KCNQ1: variants seen among roughly 807,000 people sequenced by gnomAD.
KCNQ1 encodes potassium voltage-gated channel subfamily Q member 1.
In KCNQ1, 49 loss-of-function variants were observed where a neutral mutation model predicts 72.4. The observed-to-expected ratio is 0.68, with a 90% CI of 0.54 to 0.86. The LOEUF is 0.86. Ranked by LOEUF, KCNQ1 falls within the 40% of genes least tolerant of loss-of-function variation. The pLI is 0.00. For synonymous variants in KCNQ1, 450 were observed against 412.6 expected (o/e 1.09, Z -1.10); for missense variants, 790 against 945.1 (o/e 0.84, Z 2.15).
chr11:2,456,735 C>T (rs1846195656), intron 1 of KCNQ1, among the ~76,000 whole-genome samples: 2 of 123,928 alleles, frequency 1.6e-5, no homozygotes, highest in South Asian at 2.6e-4. Context: ...TCCTGGCTAA[C>T]ATGGTGAAAC....
chr11:2,524,202 A>G (rs961931654), intron 1 of KCNQ1, among the ~76,000 whole-genome samples: 7 of 152,160 alleles, frequency 4.6e-5, no homozygotes, highest in Non-Finnish European at 1.0e-4. Flanking sequence ...GCGACGGGAA[A>G]GCTGCTGTGC....
At chr11:2,487,770 T>G (rs1170367138) in intron 1 of KCNQ1, among the ~76,000 whole-genome samples, 1 of 152,214 alleles carries the variant, frequency 6.6e-6, no homozygotes, top group Admixed American at 6.5e-5. Context: ...TTGTGGAATC[T>G]TTAGGGGTTT....
At chr11:2,570,481 T>A in intron 2 of KCNQ1, 147 bp from the exon 3 acceptor site, 2 of 1,032,866 alleles carry the variant, frequency 1.9e-6, no homozygotes, top group Middle Eastern at 2.9e-4. Context: ...GGCATCACCA[T>A]CCGCAGCAGG....
chr11:2,614,927 T>G lies in KCNQ1; in HGVS notation c.1393+26073T>G, dbSNP rs1178213934. The G allele has an allele frequency of 6.0e-5, 24 of 398,342 alleles. 1 individual carries two copies. The highest frequency in any genetic ancestry group is 8.0e-5 in the Non-Finnish European group (18 of 225,970). The allele number at this position is 398,342 out of a possible 1,614,324, so 24.7% of individuals were successfully genotyped here. A position where few individuals can be genotyped will look rare whatever the true frequency, so the allele number is the denominator to read the frequency against. ...AAATCAGTTTTTACATTTCTGCAAA[T>G]AAAAAGGCCCTTGGGATTTTGATAA... On this transcript the variant is annotated intron_variant, in intron 10 of 15. Coordinates refer to ENST00000155840, the MANE Select transcript of KCNQ1 (RefSeq NM_000218.3).
intron 10 of KCNQ1, chr11:2,609,933 T>C (rs1848951132): frequency 2.5e-6 from 1 of 398,074 alleles, no homozygotes; most frequent in East Asian, 3.6e-5. Flanking sequence ...ATAGATGGAA[T>C]ACAGATGGAT....
intron 15 of KCNQ1, among the ~76,000 whole-genome samples, chr11:2,842,252 C>G (rs1177541514): frequency 6.6e-6 from 1 of 152,238 alleles, no homozygotes; most frequent in East Asian, 1.9e-4. Context: ...GACTCACACA[C>G]AGCCTGGACA....
Position 2,567,743 on chromosome 11 carries a change from T to G in KCNQ1, c.478-2885T>G, listed in dbSNP as rs1470499306. On this transcript the variant is annotated intron_variant, in intron 2 of 15. Transcript: ENST00000155840. The surrounding 1 kb of genome is among the most constrained non-coding windows in gnomAD (Gnocchi z 6.6). ...CTGGATTTGGGGATCAGTGTTGTTT[T>G]TAATCATTCCTACCACCTTGTCCCA... Among the ~76,000 whole-genome samples the G allele has an allele frequency of 6.6e-6, 1 of 152,200 alleles. No homozygotes were observed. The highest frequency in any genetic ancestry group is 1.5e-5 in the Non-Finnish European group (1 of 68,024).
chr11:2,758,366 C>G (rs145933251), intron 11 of KCNQ1, among the ~76,000 whole-genome samples: 394 of 152,296 alleles, frequency 2.6e-3, no homozygotes, highest in Admixed American at 4.4e-3. Context: ...TCACTACGCA[C>G]CTATCAGAAT....
intron 11 of KCNQ1, chr11:2,667,805 AC>A: frequency 2.5e-6 from 1 of 398,688 alleles, no homozygotes; most frequent in Non-Finnish European, 4.4e-6. Context: ...CACCTGGGCT[AC>A]CCTGGTATAG....
At chr11:2,630,337 T>G (rs1343766377) in intron 10 of KCNQ1, 1 of 398,286 alleles carries the variant, frequency 2.5e-6, no homozygotes, top group Admixed American at 4.4e-5. Flanking sequence ...AATTTTTAAA[T>G]GTATAGTCAT....
chr11:2,755,188 TC>T (rs1398461679), intron 11 of KCNQ1, among the ~76,000 whole-genome samples: 1 of 151,776 alleles, frequency 6.6e-6, no homozygotes, highest in Non-Finnish European at 1.5e-5. Context: ...ACATTTTTTT[TC>T]GTAATCACAG....
chr11:2,824,101 G>A lies in KCNQ1; in HGVS notation c.1795-23666G>A, dbSNP rs1009296051. Reference sequence around the variant, plus strand: ...CAGCACAAACACCTTGACACACACCGTCACACACACCCATATTCGACACAC... The same window carrying A: ...CAGCACAAACACCTTGACACACACCATCACACACACCCATATTCGACACAC... On this transcript the variant is annotated intron_variant, in intron 15 of 15. Coordinates refer to ENST00000155840, the MANE Select transcript of KCNQ1 (RefSeq NM_000218.3). The surrounding 1 kb of genome is among the most constrained non-coding windows in gnomAD (Gnocchi z 5.9). 5.9e-5 allele frequency among the ~76,000 whole-genome samples: 9 copies of A among 152,102 alleles called. No individual in the cohort carries two copies. The South Asian group carries it at 6.2e-4, about 11-fold the overall frequency.
Position 2,753,713 on chromosome 11 carries a change from G to C in KCNQ1, c.1515-15131G>C, listed in dbSNP as rs138604878. On this transcript the variant is annotated intron_variant, in intron 11 of 15. Coordinates refer to ENST00000155840, the MANE Select transcript of KCNQ1 (RefSeq NM_000218.3). ...ACAAAGCCATACCAGGCCCCATGGG[G>C]ATGGCTTGTGACTGCTGCACATCCT... 2.7e-3 allele frequency among the ~76,000 whole-genome samples: 411 copies of C among 152,344 alleles called. 1 individual carries two copies. Among genetic ancestry groups the C allele is most frequent in the African/African-American group, 9.5e-3 (396 of 41,566 alleles).
rs962733490 is a variant in KCNQ1 at position 2,724,608 on chromosome 11, C to T, written c.1515-44236C>T. On this transcript the variant is annotated intron_variant, in intron 11 of 15. Transcript: ENST00000155840. The surrounding 1 kb of genome is among the most constrained non-coding windows in gnomAD (Gnocchi z 6.8). ...CCTTCCCGCGGAAACACAGCTTCTC[C>T]CCTTGGGTGCCATTGCAGCTGCACC... Among the ~76,000 whole-genome samples, 1 of 152,230 alleles carries T rather than the reference C, an allele frequency of 6.6e-6. No homozygotes were observed. The highest frequency in any genetic ancestry group is 2.4e-5 in the African/African-American group (1 of 41,464).
chr11:2,810,900 C>T (rs556141691), intron 15 of KCNQ1, among the ~76,000 whole-genome samples: 1 of 152,228 alleles, frequency 6.6e-6, no homozygotes, highest in Non-Finnish European at 1.5e-5. Flanking sequence ...GTAGGACGCT[C>T]TGCTGTGGCA....
Position 2,588,962 on chromosome 11 carries a change from A to G in KCNQ1, c.1393+108A>G. 7.5e-7 allele frequency: 1 copy of G among 1,327,364 alleles called. No homozygotes were observed. The highest frequency in any genetic ancestry group is 1.1e-6 in the Non-Finnish European group (1 of 950,208). The allele number at this position is 1,327,364 out of a possible 1,614,324, so 82.2% of individuals were successfully genotyped here. A position where few individuals can be genotyped will look rare whatever the true frequency, so the allele number is the denominator to read the frequency against. ...TCTCCCTTGGGCTGTGGTCTCTGAC[A>G]ACGAGGTATGAACAGACAGAGGGTG... On this transcript the variant is annotated intron_variant, in intron 10 of 15. Transcript: ENST00000155840. The surrounding 1 kb of genome is among the most constrained non-coding windows in gnomAD (Gnocchi z 5.6).
At chr11:2,625,178 A>C in intron 10 of KCNQ1, 1 of 398,662 alleles carries the variant, frequency 2.5e-6, no homozygotes, top group Non-Finnish European at 4.4e-6. Flanking sequence ...AGGCTGTACC[A>C]TTTTGCATTC....
chr11:2,557,800 T>C (rs113015501), intron 2 of KCNQ1, among the ~76,000 whole-genome samples: 64 of 152,294 alleles, frequency 4.2e-4, no homozygotes, highest in African/African-American at 1.3e-3. Context: ...CCAGGTTCAG[T>C]TGGGGAGGAC....
rs547575184 is a variant in KCNQ1 at position 2,447,902 on chromosome 11, C to T, written c.386+2418C>T. On this transcript the variant is annotated intron_variant, in intron 1 of 15. Coordinates refer to ENST00000155840, the MANE Select transcript of KCNQ1 (RefSeq NM_000218.3). This position sits in a 1 kb window ranked among gnomAD's most constrained non-coding sequence, Gnocchi z 7.6. The stretch of plus-strand genomic sequence containing the variant: ...GGAAGCCAGCCAGGATATCCTGTCC[C>T]CTCCTCGGGGAACCCCCCCTCCCCA... 6.6e-6 allele frequency among the ~76,000 whole-genome samples: 1 copy of T among 152,322 alleles called. No individual in the cohort carries two copies. Among genetic ancestry groups the T allele is most frequent in the African/African-American group, 2.4e-5 (1 of 41,576 alleles).
Sources: gnomAD v4.1 joint callset for allele counts (sites outside exome capture counted in the v4.1 genomes callset) on GRCh38, gnomAD v4.1.1 for gene constraint, Gnocchi (gnomAD v3.1) non-coding constraint, MANE v1.5 for transcripts, NCBI Gene and HGNC (gene_info 2026-07-23, HGNC 2026-07-21) for gene names.